The following RIMS2 variants were observed in gnomAD, a reference collection of about 807,000 sequenced individuals.
The protein encoded by RIMS2 is regulating synaptic membrane exocytosis protein 2.
In RIMS2, 59 loss-of-function variants were observed where a neutral mutation model predicts 174.4. The ratio of observed to expected loss-of-function variants is 0.34; its 90% CI spans 0.27 to 0.42. RIMS2 has a LOEUF of 0.42. RIMS2 is among the 10% of genes least tolerant of loss of function. The pLI is 1.00. For synonymous variants in RIMS2, 606 were observed against 572.5 expected (o/e 1.06, Z -0.84); for missense variants, 1,620 against 1,666.3 (o/e 0.97, Z 0.48).
In RIMS2 at chr8:103,571,853, T is replaced by C. The variant is rs373567302; in HGVS notation, c.176+70791T>C. Among the ~76,000 whole-genome samples, 9 of 152,330 alleles carry C rather than the reference T, an allele frequency of 5.9e-5. No homozygotes were observed. The South Asian group carries it at 1.2e-3, about 21-fold the overall frequency. On this transcript the variant is annotated intron_variant, in intron 1 of 23. Transcript: ENST00000504942. Reference sequence around the variant, plus strand: ...TGCTTCAAAAATTTTCTTCTGTCTGTTCTGCAACTGGGAAAGACACACAGC... The same window carrying C: ...TGCTTCAAAAATTTTCTTCTGTCTGCTCTGCAACTGGGAAAGACACACAGC...
At chr8:103,772,575 A>G (rs2098266177) in intron 3 of RIMS2, among the ~76,000 whole-genome samples, 2 of 152,170 alleles carry the variant, frequency 1.3e-5, no homozygotes, top group Non-Finnish European at 2.9e-5. Context: ...AATATTGTTA[A>G]GATGTCTTTC....
intron 1 of RIMS2, among the ~76,000 whole-genome samples, chr8:103,576,695 C>G (rs1437459229): frequency 6.6e-6 from 1 of 152,156 alleles, no homozygotes; most frequent in Non-Finnish European, 1.5e-5. Flanking sequence ...CTACAGTAAC[C>G]AAAGTAGCGT....
At chr8:104,252,791 T>G (rs2099362201), downstream of RIMS2, 1 of 152,196 alleles carries the variant, frequency 6.6e-6, no homozygotes, top group East Asian at 1.9e-4. Flanking sequence ...TATACAAATC[T>G]TATGAAGTTC....
At chr8:103,768,391 T>G in intron 3 of RIMS2, 2 of 744,028 alleles carry the variant, frequency 2.7e-6, no homozygotes, top group Admixed American at 3.5e-5. Context: ...CAGAAGTTGC[T>G]GCTGATGCTC....
At chr8:103,942,988 G>A in intron 14 of RIMS2, 62 bp downstream of exon 16, 1 of 1,245,258 alleles carries the variant, frequency 8.0e-7, no homozygotes, top group Non-Finnish European at 1.1e-6. Flanking sequence ...AGTGATGTAT[G>A]TGATAAAGAA....
At chr8:103,549,305 G>A (rs1345167569) in intron 1 of RIMS2, among the ~76,000 whole-genome samples, 1 of 152,126 alleles carries the variant, frequency 6.6e-6, no homozygotes, top group Non-Finnish European at 1.5e-5. Context: ...AAGAGAGTGG[G>A]GGCCAATATT....
chr8:104,055,432 G>A (rs1374132931), intron 19 of RIMS2, among the ~76,000 whole-genome samples: 2 of 152,038 alleles, frequency 1.3e-5, no homozygotes, highest in African/African-American at 2.4e-5. Flanking sequence ...CATGTAAAAG[G>A]TAGAATGTTC....
intron 3 of RIMS2, among the ~76,000 whole-genome samples, chr8:103,792,927 G>C (rs1424917786): frequency 6.6e-6 from 1 of 152,134 alleles, no homozygotes; most frequent in Non-Finnish European, 1.5e-5. Context: ...CTCTGAAATT[G>C]AGGCAATAAT....
intron 1 of RIMS2, among the ~76,000 whole-genome samples, chr8:103,609,830 T>C (rs2095304685): frequency 6.6e-6 from 1 of 152,214 alleles, no homozygotes; most frequent in Middle Eastern, 3.2e-3. Context: ...TTTGCTTCTG[T>C]ATGAATTTTT....
chr8:103,514,777 A>T (rs1258631139), intron 1 of RIMS2, among the ~76,000 whole-genome samples: 1 of 152,120 alleles, frequency 6.6e-6, no homozygotes, highest in African/African-American at 2.4e-5. Context: ...ATGTGCCTGT[A>T]ATCCCAGCTA....
intron 1 of RIMS2, among the ~76,000 whole-genome samples, chr8:103,613,292 T>C (rs7004568): frequency 0.18 from 27,716 of 152,166 alleles, 2,777 homozygotes; most frequent in African/African-American, 0.26. Flanking sequence ...CTCCCTTCAA[T>C]GGGCAGAGGA....
chr8:103,570,367 T>C (rs1173739357), intron 1 of RIMS2, among the ~76,000 whole-genome samples: 1 of 152,214 alleles, frequency 6.6e-6, no homozygotes, highest in Non-Finnish European at 1.5e-5. Flanking sequence ...CTTTATTACT[T>C]ATTTATTCAT....
intron 17 of RIMS2, among the ~76,000 whole-genome samples, chr8:104,012,635 A>G (rs1244456769): frequency 6.6e-6 from 1 of 152,128 alleles, no homozygotes; most frequent in Non-Finnish European, 1.5e-5. Context: ...GATGTTAGGA[A>G]ACATTTATTG....
At chr8:103,996,994 C>T (rs1029917615) in intron 17 of RIMS2, among the ~76,000 whole-genome samples, 2 of 151,530 alleles carry the variant, frequency 1.3e-5, no homozygotes, top group Non-Finnish European at 1.5e-5. Flanking sequence ...TAATACCAAA[C>T]GTAAGTGGAG....
intron 1 of RIMS2, chr8:103,568,682 A>G: frequency 1.4e-6 from 1 of 695,670 alleles, no homozygotes; most frequent in South Asian, 1.4e-5. Context: ...AACAATATGT[A>G]GCAGCTTCAT....
At chr8:104,056,855 C>A (rs2096877649) in intron 19 of RIMS2, among the ~76,000 whole-genome samples, 1 of 152,086 alleles carries the variant, frequency 6.6e-6, no homozygotes, top group South Asian at 2.1e-4. Flanking sequence ...CCACTGCATT[C>A]TAGCCTGGCT....
At chr8:104,216,165 T>C (rs1225391621) in intron 19 of RIMS2, among the ~76,000 whole-genome samples, 1 of 152,206 alleles carries the variant, frequency 6.6e-6, no homozygotes, top group African/African-American at 2.4e-5. Context: ...TTTGAAGACA[T>C]TCAGTGAGAG....
chr8:103,712,135 G>A (rs2097312465), intron 2 of RIMS2, among the ~76,000 whole-genome samples: 1 of 150,166 alleles, frequency 6.7e-6, no homozygotes, highest in South Asian at 2.1e-4. Context: ...GAGACTACAG[G>A]TGCACACCGC....
At chr8:103,615,240 A>G (rs2095477979) in intron 1 of RIMS2, among the ~76,000 whole-genome samples, 1 of 152,168 alleles carries the variant, frequency 6.6e-6, no homozygotes, top group Non-Finnish European at 1.5e-5. Flanking sequence ...ATCGCTCAAA[A>G]CCTACATGGA....
Sources: gnomAD v4.1 joint callset for allele counts (sites outside exome capture counted in the v4.1 genomes callset) on GRCh38, gnomAD v4.1.1 for gene constraint, MANE v1.5 for transcripts, NCBI Gene and HGNC (gene_info 2026-07-23, HGNC 2026-07-21) for gene names.